THRB: variants seen among roughly 807,000 people sequenced by gnomAD.
The protein encoded by THRB is nuclear receptor subfamily 1 group A member 2.
Under a neutral mutation model 47.8 loss-of-function variants are expected in THRB, and 12 were observed. The observed-to-expected ratio is 0.25, with a 90% CI of 0.16 to 0.41. The LOEUF is 0.41. Among genes scored for constraint, THRB ranks in the 10% least tolerant of loss-of-function variants. The probability of loss-of-function intolerance (pLI) is 1.00; values close to 1 mark genes in which losing one functional copy is unlikely to be tolerated. For synonymous variants in THRB, 218 were observed against 212.2 expected, an observed-to-expected ratio of 1.03 and a Z score of -0.24; for missense variants, 348 against 589.2, an observed-to-expected ratio of 0.59 and a Z score of 4.24.
intron 8 of THRB, among the ~76,000 whole-genome samples, chr3:24,134,472 A>C (rs2148905840): frequency 6.6e-6 from 1 of 152,214 alleles, no homozygotes; most frequent in African/African-American, 2.4e-5. Flanking sequence ...ACCCTGTCTC[A>C]AGTAGTCCTC....
At chr3:24,135,846 T>TATATATATATAA (rs1231598841) in intron 8 of THRB, among the ~76,000 whole-genome samples, 25 of 121,152 alleles carry the variant, frequency 2.1e-4, no homozygotes, top group African/African-American at 5.2e-4. Flanking sequence ...TATATATATA[T>TATATATATATAA]AATACATAAA....
intron 1 of THRB, among the ~76,000 whole-genome samples, chr3:24,410,731 A>G (rs974245531): frequency 6.6e-6 from 1 of 151,888 alleles, no homozygotes; most frequent in Non-Finnish European, 1.5e-5. Context: ...CTTCAAATGC[A>G]TGGTTAATAC....
chr3:24,400,081 G>T (rs542418332), intron 1 of THRB, among the ~76,000 whole-genome samples: 1 of 152,228 alleles, frequency 6.6e-6, no homozygotes, highest in East Asian at 1.9e-4. Context: ...AATTCTCTTT[G>T]CTGAGAGTTT....
intron 10 of THRB, among the ~76,000 whole-genome samples, chr3:24,124,737 G>A (rs73825916): frequency 0.016 from 2,443 of 152,282 alleles, 64 homozygotes; most frequent in African/African-American, 0.055. Flanking sequence ...AAAAGTCTTT[G>A]AAGAAAAAGT....
chr3:24,374,377 A>G (rs2065134199), intron 1 of THRB, among the ~76,000 whole-genome samples: 1 of 152,076 alleles, frequency 6.6e-6, no homozygotes, highest in Non-Finnish European at 1.5e-5. Context: ...GAGAATACAT[A>G]TATATTGTCT....
rs1244668375 is a variant in THRB, at chr3:24,122,036, G to C, written c.*848C>G. On this transcript the variant is annotated 3_prime_UTR_variant, in exon 11 of 11. Coordinates refer to ENST00000646209, the MANE Select transcript of THRB (RefSeq NM_001354712.2). ...ATGACAGATCAGATGCCACAGAAAA[G>C]GGGTGCCACCCTGTAAATAGGTTTG... 1.3e-5 allele frequency: 2 copies of C among 152,634 alleles called. No individual in the cohort carries two copies. Among genetic ancestry groups the C allele is most frequent in the Non-Finnish European group, 2.9e-5 (2 of 68,042 alleles). The allele number at this position is 152,634 out of a possible 1,614,324, so 9.5% of individuals were successfully genotyped here. A position where few individuals can be genotyped will look rare whatever the true frequency, so the allele number is the denominator to read the frequency against.
chr3:24,213,123 A>G (rs1157780144), intron 4 of THRB, among the ~76,000 whole-genome samples: 1 of 152,182 alleles, frequency 6.6e-6, no homozygotes, highest in Non-Finnish European at 1.5e-5. Context: ...TCTGAGAGAG[A>G]GAAGAGAAGA....
Position 24,229,032 on chromosome 3 carries a change from G to A in THRB, c.-42-31C>T, listed in dbSNP as rs2047987699. 8.9e-6 allele frequency: 11 copies of A among 1,242,282 alleles called. 1 individual carries two copies. In the South Asian group the frequency reaches 1.4e-4, roughly 15 times the overall value. 77.0% of individuals were successfully genotyped at this position (1,242,282 alleles called of 1,614,324 possible). A position where few individuals can be genotyped will look rare whatever the true frequency, so the allele number is the denominator to read the frequency against. On this transcript the variant is annotated intron_variant, in intron 3 of 10. Transcript: ENST00000646209. Reference sequence around the variant, plus strand: ...AGGAAAAAATACAAAAAAAATCACAGATTATAATCTGCATTTTCCATAATG... The same window carrying A: ...AGGAAAAAATACAAAAAAAATCACAAATTATAATCTGCATTTTCCATAATG...
rs2062323288 is a variant in THRB at position 24,337,305 on chromosome 3, T to A, written c.-194A>T. ...TAGTCAAGCTGACATCTGACCTTCT[T>A]ATTCATTAAATCATGTGTGGAACTT... On this transcript the variant is annotated 5_prime_UTR_variant, in exon 2 of 11. It introduces an in-frame stop codon into an upstream open reading frame of the 5' UTR. Coordinates refer to ENST00000646209, the MANE Select transcript of THRB (RefSeq NM_001354712.2). The A allele has an allele frequency of 6.6e-6, 1 of 152,198 alleles. No individual in the cohort carries two copies. The highest frequency in any genetic ancestry group is 1.5e-5 in the Non-Finnish European group (1 of 68,034). The allele number at this position is 152,198 out of a possible 1,614,324, so 9.4% of individuals were successfully genotyped here.
intron 1 of THRB, among the ~76,000 whole-genome samples, chr3:24,433,463 C>A (rs769272444): frequency 4.9e-4 from 75 of 152,138 alleles, no homozygotes; most frequent in Non-Finnish European, 8.8e-4. Context: ...TGTGTGGCCA[C>A]TAGAAGCTGA....
intron 4 of THRB, among the ~76,000 whole-genome samples, chr3:24,194,062 G>GGCTAT: frequency 6.6e-6 from 1 of 152,324 alleles, no homozygotes; most frequent in South Asian, 2.1e-4. Flanking sequence ...CTCATGTGTG[G>GGCTAT]GAGCTGGGCT....
chr3:24,271,233 G>C (rs1275166001), intron 3 of THRB, among the ~76,000 whole-genome samples: 2 of 152,102 alleles, frequency 1.3e-5, no homozygotes, highest in African/African-American at 4.8e-5. Flanking sequence ...TTAAACCAGA[G>C]CATTTTATTC....
chr3:24,451,214 A>G (rs1442249180), intron 1 of THRB, among the ~76,000 whole-genome samples: 2 of 150,762 alleles, frequency 1.3e-5, no homozygotes, highest in African/African-American at 2.4e-5. Flanking sequence ...TGAAAGCTAC[A>G]AGCCACTACA....
rs184266390 is a variant in THRB, at chr3:24,470,914, G to A, written c.-261+23738C>T. Among the ~76,000 whole-genome samples the A allele has an allele frequency of 5.9e-5, 9 of 152,308 alleles. No individual in the cohort carries two copies. The East Asian group carries it at 1.7e-3, about 29-fold the overall frequency. ...TTACAGGCATGAGCCATCACACCCG[G>A]CCAAGACTTTTAACTAAGACACTTC... On this transcript the variant is annotated intron_variant, in intron 1 of 10. Transcript: ENST00000646209.
chr3:24,433,917 C>G (rs1448167590), intron 1 of THRB, among the ~76,000 whole-genome samples: 1 of 152,180 alleles, frequency 6.6e-6, no homozygotes, highest in Non-Finnish European at 1.5e-5. Flanking sequence ...CTCGACTTCT[C>G]TAGGCCTCTA....
At chr3:24,382,601 T>C (rs1440229002) in intron 1 of THRB, among the ~76,000 whole-genome samples, 1 of 152,044 alleles carries the variant, frequency 6.6e-6, no homozygotes, top group Admixed American at 6.6e-5. Context: ...CAAAATATAC[T>C]ATTAAGAGGA....
At chr3:24,428,621 G>C (rs2070023134) in intron 1 of THRB, among the ~76,000 whole-genome samples, 1 of 151,998 alleles carries the variant, frequency 6.6e-6, no homozygotes, top group African/African-American at 2.4e-5. Flanking sequence ...AGGAGCAAAA[G>C]ATGAGCTAAA....
chr3:24,179,543 T>C lies in THRB; in HGVS notation c.283+10531A>G, dbSNP rs571944918. Among the ~76,000 whole-genome samples the C allele has an allele frequency of 1.2e-4, 19 of 152,310 alleles. No individual in the cohort carries two copies. In the South Asian group the frequency reaches 2.3e-3, roughly 18 times the overall value. On this transcript the variant is annotated intron_variant, in intron 5 of 10. Coordinates refer to ENST00000646209, the MANE Select transcript of THRB (RefSeq NM_001354712.2). Reference sequence around the variant, plus strand: ...TACAACTTTTTGGTAAACCTGAGATTAATTTAGAACAAAATATAAAAAGGA... The same window carrying C: ...TACAACTTTTTGGTAAACCTGAGATCAATTTAGAACAAAATATAAAAAGGA...
At position 24,122,458 on chromosome 3, in the gene THRB, G is replaced by A. The variant is rs769737689; in HGVS notation, c.*426C>T. The A allele has an allele frequency of 1.2e-5, 3 of 245,706 alleles. No homozygotes were observed. The highest frequency in any genetic ancestry group is 2.4e-5 in the Non-Finnish European group (3 of 124,602). The allele number at this position is 245,706 out of a possible 1,614,324, so 15.2% of individuals were successfully genotyped here. A position where few individuals can be genotyped will look rare whatever the true frequency, so the allele number is the denominator to read the frequency against. The stretch of plus-strand genomic sequence containing the variant: ...GGCTGAAAGCCACATCTAACTAAAG[G>A]TGGTCTGTGCTCTGTTAACTTCAGC... On this transcript the variant is annotated 3_prime_UTR_variant, in exon 11 of 11. Transcript: ENST00000646209.
Sources: gnomAD v4.1 joint callset for allele counts (sites outside exome capture counted in the v4.1 genomes callset) on GRCh38, gnomAD v4.1.1 for gene constraint, MANE v1.5 for transcripts, NCBI Gene and HGNC (gene_info 2026-07-23, HGNC 2026-07-21) for gene names.